Variants in SNX1 observed in about 807,000 individuals in gnomAD.
SNX1 encodes sorting nexin-1.
Under a neutral mutation model 71.8 loss-of-function variants are expected in SNX1, and 36 were observed. That is an observed-to-expected ratio of 0.50 (90% CI 0.38 to 0.66). SNX1 has a LOEUF of 0.66. SNX1 is among the 30% of genes least tolerant of loss of function. SNX1 has a pLI of 0.00. For missense variants in SNX1, 612 were observed against 646.7 expected, an observed-to-expected ratio of 0.95 and a Z score of 0.58; for synonymous variants, 254 against 240.7, an observed-to-expected ratio of 1.06 and a Z score of -0.51.
chr15:64,134,497 T>A lies in SNX1; in HGVS notation c.1222-167T>A. On this transcript the variant is annotated intron_variant, in intron 11 of 14. Coordinates refer to ENST00000559844, the MANE Select transcript of SNX1 (RefSeq NM_003099.5). The surrounding 1 kb of genome is among the most constrained non-coding windows in gnomAD (Gnocchi z 4.1). ...GCTTGGAGAGGAGTCTTACCCAAGC[T>A]TTGCTCCTAGACATTAAACTTCCCA... The A allele has an allele frequency of 1.4e-6, 1 of 718,694 alleles. No individual in the cohort carries two copies. The highest frequency in any genetic ancestry group is 2.2e-6 in the Non-Finnish European group (1 of 449,370). The allele number at this position is 718,694 out of a possible 1,614,324, so 44.5% of individuals were successfully genotyped here. A position where few individuals can be genotyped will look rare whatever the true frequency, so the allele number is the denominator to read the frequency against.
intron 1 of SNX1, 106 bp from the exon 2 acceptor site, chr15:64,112,467 C>T: frequency 1.6e-6 from 1 of 637,044 alleles, no homozygotes; most frequent in South Asian, 2.2e-5. Context: ...GCTTATTGAA[C>T]TGGCTGACTG....
chr15:64,143,813 C>G lies in SNX1; in HGVS notation c.*6195C>G, dbSNP rs191801706. On this transcript the variant is annotated 3_prime_UTR_variant, in exon 15 of 15. Transcript: ENST00000559844. The stretch of plus-strand genomic sequence containing the variant: ...TCACTGAGGATCCTCATAGGCACTT[C>G]TAGAAACCAAATCCTTGAAGATGAC... 1 of 152,214 alleles carries G rather than the reference C, an allele frequency of 6.6e-6. No homozygotes were observed. Among genetic ancestry groups the G allele is most frequent in the African/African-American group, 2.4e-5 (1 of 41,434 alleles). 9.4% of individuals were successfully genotyped at this position (152,214 alleles called of 1,614,324 possible). A position where few individuals can be genotyped will look rare whatever the true frequency, so the allele number is the denominator to read the frequency against.
Position 64,131,893 on chromosome 15 carries a change from G to A in SNX1, c.1221+1G>A, listed in dbSNP as rs1567331657. On this transcript the variant is annotated splice_donor_variant, in intron 11 of 14. Transcript: ENST00000559844. LOFTEE classifies it high-confidence loss of function. The stretch of plus-strand genomic sequence containing the variant: ...CATTCGCCTCCTGGCCATAGTCCGC[G>A]TAAGCTTCTGTTTCCTTTTCTCCTC... 1.9e-6 allele frequency: 3 copies of A among 1,613,496 alleles called. No homozygotes were observed. The highest frequency in any genetic ancestry group is 1.3e-5 in the African/African-American group (1 of 75,020).
In SNX1 at chr15:64,138,325, CT is replaced by C. The variant is rs780446322; in HGVS notation, c.*723del. ...AAGGAGGCAGAGACTTTCTCTCTCT[CT>C]TTTTTTTTTTTTTTTGGTGTCCCTA... On this transcript the variant is annotated 3_prime_UTR_variant, in exon 15 of 15. Transcript: ENST00000559844. 0.1 allele frequency: 56,071 copies of C among 539,790 alleles called. 7 individuals are homozygous for C. The highest frequency in any genetic ancestry group is 0.18 in the South Asian group (5,755 of 32,802). The allele number at this position is 539,790 out of a possible 1,614,324, so 33.4% of individuals were successfully genotyped here. A position where few individuals can be genotyped will look rare whatever the true frequency, so the allele number is the denominator to read the frequency against.
At chr15:64,121,592 G>A (rs1200041794) in intron 4 of SNX1, among the ~76,000 whole-genome samples, 1 of 152,208 alleles carries the variant, frequency 6.6e-6, no homozygotes, top group Non-Finnish European at 1.5e-5. Flanking sequence ...TAAAGACCCT[G>A]TAAGATCACA....
chr15:64,108,481 C>T (rs1053180750), intron 1 of SNX1, among the ~76,000 whole-genome samples: 1 of 152,040 alleles, frequency 6.6e-6, no homozygotes, highest in African/African-American at 2.4e-5. Flanking sequence ...GACTTGTTTT[C>T]TTTTAACTGC....
intron 1 of SNX1, among the ~76,000 whole-genome samples, chr15:64,109,101 T>TC (rs2081052416): frequency 6.6e-6 from 1 of 152,030 alleles, no homozygotes; most frequent in Non-Finnish European, 1.5e-5. Flanking sequence ...GTAGGCGCAG[T>TC]GGCTCATGTC....
chr15:64,117,653 G>T (rs960194740), intron 2 of SNX1, among the ~76,000 whole-genome samples: 1 of 152,182 alleles, frequency 6.6e-6, no homozygotes, highest in African/African-American at 2.4e-5. Flanking sequence ...TTAGCTGGCT[G>T]TGGTGGTATG....
chr15:64,128,718 C>T (rs1288857650), intron 8 of SNX1, among the ~76,000 whole-genome samples: 1 of 152,188 alleles, frequency 6.6e-6, no homozygotes, highest in Non-Finnish European at 1.5e-5. Flanking sequence ...CCTTTTCACC[C>T]TCTCGTCTTT....
chr15:64,100,865 G>A (rs2080953457), intron 1 of SNX1, among the ~76,000 whole-genome samples: 1 of 152,178 alleles, frequency 6.6e-6, no homozygotes, highest in East Asian at 1.9e-4. Context: ...GAGGGCAGTG[G>A]CACCATCATG....
chr15:64,127,910 A>G, intron 8 of SNX1, 104 bp downstream of exon 8: 1 of 758,510 alleles, frequency 1.3e-6, no homozygotes, highest in Non-Finnish European at 2.2e-6. Flanking sequence ...GCCTAGTACT[A>G]GACTGTATCC....
rs1435621292 is a variant in SNX1, at chr15:64,138,196, G to A, written c.*578G>A. 3.3e-6 allele frequency: 5 copies of A among 1,530,922 alleles called. No homozygotes were observed. Among genetic ancestry groups the A allele is most frequent in the Middle Eastern group, 1.7e-4 (1 of 5,968 alleles). The allele number at this position is 1,530,922 out of a possible 1,614,324, so 94.8% of individuals were successfully genotyped here. ...TCCGCCTACCTCAGCTACCTGTTCT[G>A]AGGGTCTCAATCTGTTTCGTATTCC... On this transcript the variant is annotated 3_prime_UTR_variant, in exon 15 of 15. Transcript: ENST00000559844.
intron 1 of SNX1, among the ~76,000 whole-genome samples, chr15:64,098,594 G>A (rs781107504): frequency 4.6e-5 from 7 of 150,766 alleles, no homozygotes; most frequent in Non-Finnish European, 1.0e-4. Flanking sequence ...GGAGGCTGAG[G>A]CACAAGAATC....
rs8031389 is a variant in SNX1 at position 64,141,166 on chromosome 15, C to G, written c.*3548C>G. ...GCCCTGTAGGTTTATTCCAGTCTGC[C>G]CCCTTTTCCATGTTGTTAACTCTTT... On this transcript the variant is annotated 3_prime_UTR_variant, in exon 15 of 15. Coordinates refer to ENST00000559844, the MANE Select transcript of SNX1 (RefSeq NM_003099.5). The surrounding 1 kb of genome is among the most constrained non-coding windows in gnomAD (Gnocchi z 5.1). 4.1e-3 allele frequency: 621 copies of G among 152,286 alleles called. 6 individuals carry two copies. Among genetic ancestry groups the G allele is most frequent in the African/African-American group, 0.014 (584 of 41,552 alleles). The allele number at this position is 152,286 out of a possible 1,614,324, so 9.4% of individuals were successfully genotyped here.
Position 64,134,879 on chromosome 15 carries a change from A to C in SNX1, c.1365+72A>C, listed in dbSNP as rs752017040. On this transcript the variant is annotated intron_variant, in intron 12 of 14. Coordinates refer to ENST00000559844, the MANE Select transcript of SNX1 (RefSeq NM_003099.5). This position sits in a 1 kb window ranked among gnomAD's most constrained non-coding sequence, Gnocchi z 4.1. The stretch of plus-strand genomic sequence containing the variant: ...AATGAACCCAGGGCCCATCCCACCC[A>C]GAGGTTTGGAACCCCACAGGGGGAA... 29 of 1,571,998 alleles carry C rather than the reference A, an allele frequency of 1.8e-5. No individual in the cohort carries two copies. Among genetic ancestry groups the C allele is most frequent in the Admixed American group, 3.7e-5 (2 of 54,644 alleles).
chr15:64,125,701 C>T lies in SNX1; in HGVS notation c.511-378C>T, dbSNP rs937276221. ...GTTACTGGTTACTATAGAATTCTAG[C>T]TTTAAACTAGAACTGAACATTTCTT... On this transcript the variant is annotated intron_variant, in intron 5 of 14. Transcript: ENST00000559844. Among the ~76,000 whole-genome samples, 4 of 152,054 alleles carry T rather than the reference C, an allele frequency of 2.6e-5. No individual in the cohort carries two copies. In the East Asian group the frequency reaches 7.7e-4, roughly 29 times the overall value.
intron 1 of SNX1, among the ~76,000 whole-genome samples, chr15:64,108,034 A>G (rs1048141735): frequency 6.6e-6 from 1 of 152,026 alleles, no homozygotes; most frequent in Non-Finnish European, 1.5e-5. Context: ...TCTACTAAAA[A>G]TACAAAAAAT....
At chr15:64,121,790 C>T (rs567741518) in intron 4 of SNX1, among the ~76,000 whole-genome samples, 3 of 152,122 alleles carry the variant, frequency 2.0e-5, no homozygotes, top group Non-Finnish European at 4.4e-5. Flanking sequence ...GCCAAGAAAC[C>T]AGCTAATTAA....
intron 1 of SNX1, among the ~76,000 whole-genome samples, chr15:64,109,797 A>G (rs1054160723): frequency 2.6e-5 from 4 of 152,130 alleles, no homozygotes; most frequent in African/African-American, 9.7e-5. Flanking sequence ...CTGTCTCCCA[A>G]AGTGCTGGGA....
Sources: gnomAD v4.1 joint callset for allele counts (sites outside exome capture counted in the v4.1 genomes callset) on GRCh38, gnomAD v4.1.1 for gene constraint, Gnocchi (gnomAD v3.1) non-coding constraint, MANE v1.5 for transcripts, NCBI Gene and HGNC (gene_info 2026-07-23, HGNC 2026-07-21) for gene names.